The following DET1 variants were observed in gnomAD, a reference collection of about 807,000 sequenced individuals.
DET1 encodes the protein DET1 homolog.
Under a neutral mutation model 43.7 loss-of-function variants are expected in DET1, and 22 were observed. The ratio of observed to expected loss-of-function variants is 0.50; its 90% CI spans 0.36 to 0.72. The LOEUF (loss-of-function observed/expected upper bound fraction) is 0.72. Among genes scored for constraint, DET1 ranks in the 30% least tolerant of loss-of-function variants. The probability of loss-of-function intolerance (pLI) is 0.00; values close to 1 mark genes in which losing one functional copy is unlikely to be tolerated. For synonymous variants in DET1, 315 were observed against 266.2 expected, an observed-to-expected ratio of 1.18 and a Z score of -1.79; for missense variants, 713 against 713.3, an observed-to-expected ratio of 1.00 and a Z score of 0.00.
At chr15:88,536,401 A>G in intron 1 of DET1, 1 of 742,304 alleles carries the variant, frequency 1.3e-6, no homozygotes, top group Non-Finnish European at 2.5e-6. Context: ...GGGACAGTTA[A>G]GCGCTCATAA....
chr15:88,521,158 C>T (rs2056480130), intron 3 of DET1, among the ~76,000 whole-genome samples: 1 of 152,186 alleles, frequency 6.6e-6, no homozygotes. Flanking sequence ...GTCCAGCCAC[C>T]CTGGCCTTCT....
At chr15:88,517,705 C>G (rs2056383697) in intron 3 of DET1, among the ~76,000 whole-genome samples, 1 of 152,186 alleles carries the variant, frequency 6.6e-6, no homozygotes, top group Admixed American at 6.5e-5. Flanking sequence ...GAACCCTGAA[C>G]AGAAGCAGCC....
In DET1 at chr15:88,531,240, C is replaced by G. The variant is rs746310457; in HGVS notation, c.466G>C (p.Val156Leu). 6.2e-7 allele frequency: 1 copy of G among 1,613,824 alleles called. No individual in the cohort carries two copies. Among genetic ancestry groups the G allele is most frequent in the Admixed American group, 1.7e-5 (1 of 60,020 alleles). The change falls in exon 2 of 5, where the codon GTG becomes CTG. Residue 156 changes from valine to leucine, a missense_variant. Val to Leu is a conservative substitution (Grantham distance 32). Transcript: ENST00000268148. This position sits in a 1 kb window ranked among gnomAD's most constrained non-coding sequence, Gnocchi z 6.2. The stretch of plus-strand genomic sequence containing the variant: ...TCTGGGAGGTAGGCAGCTGAGCCCA[C>G]GATGACACAGCGGCAGTCATCAGTG... ...LFTDDCRCVI[V>L]GSAAYLPDEP...
At chr15:88,525,246 G>A (rs1006930840) in intron 3 of DET1, among the ~76,000 whole-genome samples, 9 of 152,164 alleles carry the variant, frequency 5.9e-5, no homozygotes, top group African/African-American at 2.2e-4. Context: ...ACTGAAAATA[G>A]CATCCTCTGC....
intron 1 of DET1, among the ~76,000 whole-genome samples, chr15:88,537,962 A>C (rs2056996020): frequency 6.6e-6 from 1 of 152,184 alleles, no homozygotes; most frequent in South Asian, 2.1e-4. Context: ...TTTCACTTGC[A>C]TGCTTGTGTT....
rs927445316 is a variant in DET1 at position 88,516,049 on chromosome 15, G to C, written c.1463+733C>G. ...GGCACATTTAATACACAATGAGACT[G>C]GATGATGAAATATATCTATCATAAA... On this transcript the variant is annotated intron_variant, in intron 4 of 4. Coordinates refer to ENST00000268148, the MANE Select transcript of DET1 (RefSeq NM_001144074.3). The surrounding 1 kb of genome is among the most constrained non-coding windows in gnomAD (Gnocchi z 4.4). Among the ~76,000 whole-genome samples the C allele has an allele frequency of 6.6e-6, 1 of 152,158 alleles. No individual in the cohort carries two copies. The highest frequency in any genetic ancestry group is 2.4e-5 in the African/African-American group (1 of 41,448).
chr15:88,508,946 G>T (rs1000366907), downstream of DET1, among the ~76,000 whole-genome samples: 2 of 152,178 alleles, frequency 1.3e-5, no homozygotes, highest in Non-Finnish European at 2.9e-5. Flanking sequence ...CAAAGACCAG[G>T]GTCTTTTGAA....
intron 3 of DET1, among the ~76,000 whole-genome samples, chr15:88,519,378 T>C (rs1041233123): frequency 6.6e-6 from 1 of 152,188 alleles, no homozygotes; most frequent in African/African-American, 2.4e-5. Flanking sequence ...TGCTAGTTCC[T>C]TGACCTCCTC....
At chr15:88,540,843 T>A (rs1167877940) in intron 1 of DET1, among the ~76,000 whole-genome samples, 2 of 131,904 alleles carry the variant, frequency 1.5e-5, no homozygotes, top group Non-Finnish European at 3.1e-5. Flanking sequence ...ACACAAAAAC[T>A]GTGGAAGGCC....
chr15:88,508,032 T>C (rs1424211281), downstream of DET1, among the ~76,000 whole-genome samples: 1 of 152,170 alleles, frequency 6.6e-6, no homozygotes, highest in Non-Finnish European at 1.5e-5. Context: ...TTGTGAACTG[T>C]GTATGCAAGG....
At chr15:88,528,919 A>G (rs1433239087) in intron 2 of DET1, among the ~76,000 whole-genome samples, 1 of 152,226 alleles carries the variant, frequency 6.6e-6, no homozygotes, top group Non-Finnish European at 1.5e-5. Context: ...AATAGTACTC[A>G]TAATATTACC....
chr15:88,533,931 C>G (rs1283176613), intron 1 of DET1, among the ~76,000 whole-genome samples: 1 of 105,718 alleles, frequency 9.5e-6, no homozygotes, highest in South Asian at 3.3e-4. Context: ...TTCACAGAAA[C>G]AAAGAAGAAT....
intron 1 of DET1, among the ~76,000 whole-genome samples, chr15:88,542,658 C>A (rs947530762): frequency 6.6e-6 from 1 of 152,062 alleles, no homozygotes; most frequent in Non-Finnish European, 1.5e-5. Flanking sequence ...AAAACAGAAA[C>A]AAGCAACACA....
rs141072264 is a variant in DET1 at position 88,537,063 on chromosome 15, G to A, written c.-10-5348C>T. The stretch of plus-strand genomic sequence containing the variant: ...CTTATATAAGTATATATAATACCCA[G>A]TCAAGTTAAAAATGTACATACCTCC... On this transcript the variant is annotated intron_variant, in intron 1 of 4. Coordinates refer to ENST00000268148, the MANE Select transcript of DET1 (RefSeq NM_001144074.3). 1.9e-3 allele frequency among the ~76,000 whole-genome samples: 285 copies of A among 152,226 alleles called. 1 individual carries two copies. The highest frequency in any genetic ancestry group is 1.6e-3 in the Non-Finnish European group (112 of 68,022).
At chr15:88,522,421 C>G (rs1024061860) in intron 3 of DET1, among the ~76,000 whole-genome samples, 4 of 149,636 alleles carry the variant, frequency 2.7e-5, no homozygotes, top group African/African-American at 9.9e-5. Flanking sequence ...CTTCTCTTAT[C>G]TATTTACTCT....
At position 88,541,885 on chromosome 15, in the gene DET1, C is replaced by T. The variant is rs543545649; in HGVS notation, c.-11+4655G>A. ...GGGAGGACATGTCTCTTCGAGGAGA[C>T]GTCCCCTGTGGGCTCACCGCCCAAT... On this transcript the variant is annotated intron_variant, in intron 1 of 4. Coordinates refer to ENST00000268148, the MANE Select transcript of DET1 (RefSeq NM_001144074.3). Among the ~76,000 whole-genome samples, 55 of 152,266 alleles carry T rather than the reference C, an allele frequency of 3.6e-4. No individual in the cohort carries two copies. In the South Asian group the frequency reaches 4.1e-3, roughly 11 times the overall value.
intron 1 of DET1, among the ~76,000 whole-genome samples, chr15:88,545,740 T>C (rs2057236255): frequency 6.6e-6 from 1 of 151,266 alleles, no homozygotes; most frequent in Non-Finnish European, 1.5e-5. Context: ...CCAACCTGGT[T>C]TTTACTAACT....
chr15:88,513,279 G>T, intron 4 of DET1, 139 bp from the exon 5 acceptor site: 1 of 839,542 alleles, frequency 1.2e-6, no homozygotes, highest in Non-Finnish European at 1.8e-6. Context: ...ATCAGCCCCA[G>T]GTTATCAGAA....
At chr15:88,511,497 C>G, downstream of DET1, 1 of 985,482 alleles carries the variant, frequency 1.0e-6, no homozygotes. Context: ...AACTCTTGGT[C>G]ATACAACACA....
Sources: gnomAD v4.1 joint callset for allele counts (sites outside exome capture counted in the v4.1 genomes callset) on GRCh38, gnomAD v4.1.1 for gene constraint, Gnocchi (gnomAD v3.1) non-coding constraint, MANE v1.5 for transcripts, NCBI Gene and HGNC (gene_info 2026-07-23, HGNC 2026-07-21) for gene names.